GATAD2B: variants seen among roughly 807,000 people sequenced by gnomAD.
The protein encoded by GATAD2B is GATA zinc finger domain containing 2B, also known as transcriptional repressor p66-beta.
GATAD2B carries 8 observed loss-of-function variants against 64.3 expected under a neutral mutation model. The ratio of observed to expected loss-of-function variants is 0.12; its 90% CI spans 0.07 to 0.22. The LOEUF is 0.22. GATAD2B is among the 10% of genes least tolerant of loss of function. The pLI is 1.00. For missense variants in GATAD2B, 453 were observed against 752.0 expected, an observed-to-expected ratio of 0.60 and a Z score of 4.65; for synonymous variants, 281 against 271.3, an observed-to-expected ratio of 1.04 and a Z score of -0.35.
At chr1:153,891,782 T>C (rs1178472201) in intron 1 of GATAD2B, among the ~76,000 whole-genome samples, 2 of 151,844 alleles carry the variant, frequency 1.3e-5, no homozygotes, top group Admixed American at 6.6e-5. Flanking sequence ...ATATATCACC[T>C]ATCCAAAAAC....
rs1032193841 is a variant in GATAD2B at position 153,908,652 on chromosome 1, G to A, written c.-2+14081C>T. On this transcript the variant is annotated intron_variant, in intron 1 of 10. Coordinates refer to ENST00000368655, the MANE Select transcript of GATAD2B (RefSeq NM_020699.4). ...CCCAGCTAATTTTATGCTTTTAGTA[G>A]AAACAGGGATTCTCCATATTGATCA... Among the ~76,000 whole-genome samples, 4 of 151,442 alleles carry A rather than the reference G, an allele frequency of 2.6e-5. No individual in the cohort carries two copies. The East Asian group carries it at 7.8e-4, about 29-fold the overall frequency.
chr1:153,892,311 A>C (rs1303097324), intron 1 of GATAD2B, among the ~76,000 whole-genome samples: 4 of 152,232 alleles, frequency 2.6e-5, no homozygotes, highest in African/African-American at 9.6e-5. Context: ...ACCACTAGTT[A>C]AGGTAAGACA....
intron 1 of GATAD2B, among the ~76,000 whole-genome samples, chr1:153,881,393 ACTAGAAG>A (rs1033946775): frequency 6.6e-6 from 1 of 152,254 alleles, no homozygotes; most frequent in African/African-American, 2.4e-5. Context: ...CTTGAAGACA[ACTAGAAG>A]CCAGAGACCC....
intron 1 of GATAD2B, among the ~76,000 whole-genome samples, chr1:153,851,498 C>T (rs1294364869): frequency 6.6e-6 from 1 of 152,072 alleles, no homozygotes; most frequent in Non-Finnish European, 1.5e-5. Flanking sequence ...GATGATATTT[C>T]ATTGTGGTTT....
In GATAD2B at chr1:153,816,768, G is replaced by T. The variant is rs190362654; in HGVS notation, c.901-180C>A. ...ACACATAGGAAAGGAGAATGATGAT[G>T]ACCATGAGCTAACATTGCTAAGAGA... On this transcript the variant is annotated intron_variant, in intron 6 of 10. Coordinates refer to ENST00000368655, the MANE Select transcript of GATAD2B (RefSeq NM_020699.4). This position sits in a 1 kb window ranked among gnomAD's most constrained non-coding sequence, Gnocchi z 4.9. Among the ~76,000 whole-genome samples, 201 of 152,278 alleles carry T rather than the reference G, an allele frequency of 1.3e-3. No homozygotes were observed. The highest frequency in any genetic ancestry group is 4.6e-3 in the African/African-American group (193 of 41,556).
At chr1:153,918,750 C>T (rs761382104) in intron 1 of GATAD2B, among the ~76,000 whole-genome samples, 30 of 152,116 alleles carry the variant, frequency 2.0e-4, no homozygotes, top group Middle Eastern at 3.4e-3. Flanking sequence ...GTCAGGAGTT[C>T]GAGACCAGCC....
At chr1:153,859,429 G>A (rs1444954248) in intron 1 of GATAD2B, among the ~76,000 whole-genome samples, 1 of 151,432 alleles carries the variant, frequency 6.6e-6, no homozygotes, top group Non-Finnish European at 1.5e-5. Flanking sequence ...CGGCACTTTG[G>A]GAGACCCAGG....
intron 1 of GATAD2B, among the ~76,000 whole-genome samples, chr1:153,896,684 G>C (rs994363865): frequency 3.3e-5 from 5 of 151,920 alleles, no homozygotes; most frequent in Admixed American, 6.6e-5. Flanking sequence ...GATCCGCCTG[G>C]CTCGGCCTCC....
At chr1:153,863,532 G>C (rs1424323509) in intron 1 of GATAD2B, among the ~76,000 whole-genome samples, 1 of 150,906 alleles carries the variant, frequency 6.6e-6, no homozygotes, top group Non-Finnish European at 1.5e-5. Flanking sequence ...AAAACAACAG[G>C]AAAGTAAGCA....
chr1:153,840,026 C>CT (rs779722872), intron 1 of GATAD2B, among the ~76,000 whole-genome samples: 2,230 of 97,748 alleles, frequency 0.023, 42 homozygotes, highest in Middle Eastern at 0.053. Context: ...AAAATACTTT[C>CT]TTTTTTTTTT....
intron 2 of GATAD2B, among the ~76,000 whole-genome samples, chr1:153,821,077 C>T (rs1674667593): frequency 1.4e-5 from 2 of 143,810 alleles, no homozygotes; most frequent in South Asian, 2.3e-4. Context: ...AACTCCTGGC[C>T]CCAAGAGATT....
chr1:153,864,838 G>A (rs1237522530), intron 1 of GATAD2B, among the ~76,000 whole-genome samples: 1 of 151,900 alleles, frequency 6.6e-6, no homozygotes, highest in Non-Finnish European at 1.5e-5. Context: ...GGTGGCTGAG[G>A]TGGGCGGATC....
intron 1 of GATAD2B, among the ~76,000 whole-genome samples, chr1:153,888,997 TGAG>T: frequency 6.6e-6 from 1 of 152,104 alleles, no homozygotes; most frequent in South Asian, 2.1e-4. Context: ...CCCCAAACCA[TGAG>T]GAGTAATAAT....
At chr1:153,848,868 G>A (rs143194932) in intron 1 of GATAD2B, among the ~76,000 whole-genome samples, 1,555 of 152,226 alleles carry the variant, frequency 0.01, 26 homozygotes, top group African/African-American at 0.035. Flanking sequence ...GCAGAGAACT[G>A]CTTGAACCCG....
chr1:153,892,163 CAAAAAAAAAA>C (rs900308080), intron 1 of GATAD2B, among the ~76,000 whole-genome samples: 5 of 50,338 alleles, frequency 9.9e-5, no homozygotes, highest in African/African-American at 3.9e-4. Context: ...GACTCCGTCT[CAAAAAAAAAA>C]AAAAAAAAAA....
chr1:153,885,677 A>G (rs1677159363), intron 1 of GATAD2B, among the ~76,000 whole-genome samples: 1 of 152,040 alleles, frequency 6.6e-6, no homozygotes. Flanking sequence ...CCTGGCTAAC[A>G]TGGTGAAACC....
chr1:153,892,845 C>T (rs988041214), intron 1 of GATAD2B, among the ~76,000 whole-genome samples: 6 of 151,974 alleles, frequency 3.9e-5, no homozygotes, highest in Non-Finnish European at 8.8e-5. Context: ...CAGGCACGTG[C>T]CACCACGCCT....
chr1:153,913,762 CA>C, intron 1 of GATAD2B, among the ~76,000 whole-genome samples: 1 of 150,348 alleles, frequency 6.7e-6, no homozygotes, highest in Non-Finnish European at 1.5e-5. Context: ...ATTAAAAATA[CA>C]AAAAAAATTA....
intron 1 of GATAD2B, among the ~76,000 whole-genome samples, chr1:153,866,222 A>C (rs2101925541): frequency 6.6e-6 from 1 of 151,906 alleles, no homozygotes; most frequent in East Asian, 1.9e-4. Context: ...AAAAAAAAAA[A>C]AAATTCATAG....
Sources: allele counts gnomAD v4.1 joint callset (sites outside exome capture counted in the v4.1 genomes callset), GRCh38; gene constraint gnomAD v4.1.1; non-coding constraint Gnocchi (gnomAD v3.1); transcripts MANE v1.5; gene names NCBI Gene and HGNC (gene_info 2026-07-23, HGNC 2026-07-21).